The following LY75 variants were observed in gnomAD, a reference collection of about 807,000 sequenced individuals.
LY75 encodes C-type lectin domain family 13 member B.
In LY75, 185 loss-of-function variants were observed where a neutral mutation model predicts 231.7. That is an observed-to-expected ratio of 0.80 (90% CI 0.71 to 0.90). The LOEUF is 0.90. Ranked by LOEUF, LY75 falls within the 40% of genes least tolerant of loss-of-function variation. The pLI, the probability that LY75 is intolerant of heterozygous loss-of-function variation, is 0.00. For synonymous variants in LY75, 668 were observed against 689.0 expected (o/e 0.97, Z 0.48); for missense variants, 1,947 against 2,050.2 (o/e 0.95, Z 0.97).
At position 159,819,774 on chromosome 2, in the gene LY75, C is replaced by T. The variant is rs760942476; in HGVS notation, c.4105G>A (p.Ala1369Thr). ...ATGCTGTGCTGGTGAAAATAAACTG[C>T]TTCTTCAATAACTTTAAAGGTTTGA... ...DIQTFKVIEE[A>T]VYFHQHSILA... The change falls in exon 29 of 35, where the codon GCA becomes ACA. Residue 1369 changes from alanine to threonine, a missense_variant. Ala to Thr is a moderately conservative substitution (Grantham distance 58). Transcript: ENST00000263636. 2 of 1,613,798 alleles carry T rather than the reference C, an allele frequency of 1.2e-6. No individual in the cohort carries two copies. Among genetic ancestry groups the T allele is most frequent in the Admixed American group, 3.3e-5 (2 of 59,952 alleles).
chr2:159,852,101 T>A, intron 21 of LY75, 100 bp downstream of exon 21: 1 of 1,489,464 alleles, frequency 6.7e-7, no homozygotes, highest in Non-Finnish European at 9.0e-7. Flanking sequence ...GCAGAGTCTA[T>A]TTCAGTGATG....
At chr2:159,880,978 C>A in intron 8 of LY75, 105 bp downstream of exon 8, 1 of 1,401,668 alleles carries the variant, frequency 7.1e-7, no homozygotes, top group Non-Finnish European at 9.6e-7. Context: ...AGTGCTCTTA[C>A]CTTTTATTTT....
intron 20 of LY75, 51 bp from the exon 21 acceptor site, chr2:159,852,391 C>T (rs181962656): frequency 1.3e-6 from 2 of 1,546,936 alleles, no homozygotes; most frequent in Middle Eastern, 2.0e-4. Flanking sequence ...TCAGTCAGTA[C>T]ATTTTTATTT....
chr2:159,810,727 C>A, intron 31 of LY75, 52 bp from the exon 32 acceptor site: 1 of 1,592,996 alleles, frequency 6.3e-7, no homozygotes, highest in Non-Finnish European at 8.5e-7. Flanking sequence ...AAAAGACTGC[C>A]TTTCAAAATC....
At chr2:159,865,152 T>C (rs529001283) in intron 13 of LY75, among the ~76,000 whole-genome samples, 14 of 152,294 alleles carry the variant, frequency 9.2e-5, no homozygotes, top group Admixed American at 5.9e-4. Flanking sequence ...CATTCTACTT[T>C]GAATTTTAAG....
intron 5 of LY75, among the ~76,000 whole-genome samples, chr2:159,885,816 T>C (rs1190333974): frequency 1.3e-5 from 2 of 152,216 alleles, no homozygotes; most frequent in Non-Finnish European, 2.9e-5. Flanking sequence ...GGCAGCTTTA[T>C]ACTGAAATTA....
At chr2:159,836,104 A>C (rs886893797) in intron 25 of LY75, among the ~76,000 whole-genome samples, 6 of 152,234 alleles carry the variant, frequency 3.9e-5, no homozygotes, top group East Asian at 1.9e-4. Flanking sequence ...AGTGGAAAGA[A>C]TATGGGCTAC....
intron 16 of LY75, among the ~76,000 whole-genome samples, chr2:159,855,179 CTT>C (rs1684513073): frequency 6.6e-6 from 1 of 152,092 alleles, no homozygotes; most frequent in African/African-American, 2.4e-5. Context: ...TTCTAGCAGT[CTT>C]TTACCTTGTG....
intron 5 of LY75, among the ~76,000 whole-genome samples, chr2:159,885,496 G>A (rs1453923851): frequency 6.6e-6 from 1 of 151,928 alleles, no homozygotes; most frequent in Non-Finnish European, 1.5e-5. Context: ...GAATCTAAAG[G>A]GAAAACATCA....
intron 6 of LY75, 82 bp from the exon 7 acceptor site, chr2:159,882,397 A>T: frequency 6.5e-7 from 1 of 1,527,476 alleles, no homozygotes; most frequent in Non-Finnish European, 8.7e-7. Flanking sequence ...TTTTTCTTGA[A>T]TAATGAGAGT....
Position 159,819,815 on chromosome 2 carries a change from T to A in LY75, c.4064A>T (p.Asp1355Val). ...AAAGGTTTGAATATCCCAGAAGCCG[T>A]CAGTACTTAAACCAGCCAAAAACTT... ...NEKFLAGLST[D>V]GFWDIQTFKV... The change falls in exon 29 of 35, where the codon GAC becomes GTC. Residue 1355 changes from aspartate to valine, a missense_variant. Coordinates refer to ENST00000263636, the MANE Select transcript of LY75 (RefSeq NM_002349.4). 6.2e-7 allele frequency: 1 copy of A among 1,614,152 alleles called. No individual in the cohort carries two copies. Among genetic ancestry groups the A allele is most frequent in the Non-Finnish European group, 8.5e-7 (1 of 1,180,006 alleles).
intron 23 of LY75, among the ~76,000 whole-genome samples, chr2:159,847,255 C>A (rs1684230378): frequency 6.6e-6 from 1 of 152,136 alleles, no homozygotes; most frequent in East Asian, 1.9e-4. Context: ...CTCAGGCAAT[C>A]CGCCCACCTT....
intron 3 of LY75, among the ~76,000 whole-genome samples, chr2:159,893,127 A>T (rs1685808840): frequency 6.6e-6 from 1 of 152,226 alleles, no homozygotes; most frequent in South Asian, 2.1e-4. Context: ...ACAGATTGTC[A>T]TCTGGTCTTT....
intron 28 of LY75, 95 bp downstream of exon 28, chr2:159,831,575 T>C: frequency 7.6e-7 from 1 of 1,318,754 alleles, no homozygotes; most frequent in Non-Finnish European, 1.1e-6. Context: ...CTTTCACGTA[T>C]TGATAGACAT....
intron 13 of LY75, among the ~76,000 whole-genome samples, chr2:159,870,662 G>A (rs1560091128): frequency 7.3e-6 from 1 of 136,794 alleles, no homozygotes; most frequent in Admixed American, 8.4e-5. Flanking sequence ...GTGCCACCAT[G>A]CCCAGCTAAT....
At chr2:159,877,126 C>G (rs2125873066) in intron 11 of LY75, among the ~76,000 whole-genome samples, 1 of 151,688 alleles carries the variant, frequency 6.6e-6, no homozygotes, top group East Asian at 1.9e-4. Flanking sequence ...TCTGTATACT[C>G]TATCTTTTTC....
Position 159,850,105 on chromosome 2 carries a change from T to A in LY75, c.3025A>T (p.Thr1009Ser). 1 of 1,613,010 alleles carries A rather than the reference T, an allele frequency of 6.2e-7. No individual in the cohort carries two copies. The highest frequency in any genetic ancestry group is 8.5e-7 in the Non-Finnish European group (1 of 1,179,676). The change falls in exon 23 of 35, where the codon ACT becomes TCT. Residue 1009 changes from threonine to serine, a missense_variant. Physicochemically the swap from Thr to Ser is moderately conservative, Grantham distance 58. Coordinates refer to ENST00000263636, the MANE Select transcript of LY75 (RefSeq NM_002349.4). Reference protein sequence around the residue: ...ITSLLPDMEATLWIGLRWTAY... With the variant: ...ITSLLPDMEASLWIGLRWTAY... ...GTCCAGCGCAAACCAATCCATAAAG[T>A]AGCTTCCATATCCGGAAGCAAGGAT... is the stretch of plus-strand genomic sequence containing the variant.
At chr2:159,886,246 T>C (rs1227165127) in intron 5 of LY75, among the ~76,000 whole-genome samples, 174 bp downstream of exon 5, 1 of 152,188 alleles carries the variant, frequency 6.6e-6, no homozygotes, top group Non-Finnish European at 1.5e-5. Context: ...GTGGTTCAGC[T>C]TGGCAATAAC....
chr2:159,885,670 T>C (rs974448980), intron 5 of LY75, among the ~76,000 whole-genome samples: 9 of 152,204 alleles, frequency 5.9e-5, no homozygotes, highest in African/African-American at 2.2e-4. Context: ...GATTAAATTA[T>C]CTTTAAATAT....
Sources: gnomAD v4.1 joint callset for allele counts (sites outside exome capture counted in the v4.1 genomes callset) on GRCh38, gnomAD v4.1.1 for gene constraint, MANE v1.5 for transcripts, NCBI Gene and HGNC (gene_info 2026-07-23, HGNC 2026-07-21) for gene names.